The following JAK1 variants were observed in gnomAD, a reference collection of about 807,000 sequenced individuals.
The protein encoded by JAK1 is Janus kinase 1.
Under a neutral mutation model 136.6 loss-of-function variants are expected in JAK1, and 16 were observed. The ratio of observed to expected loss-of-function variants is 0.12; its 90% confidence interval spans 0.08 to 0.18. The LOEUF (loss-of-function observed/expected upper bound fraction) is 0.18. Ranked by LOEUF, JAK1 falls within the 10% of genes least tolerant of loss-of-function variation. JAK1 has a pLI of 1.00. For synonymous variants in JAK1, 492 were observed against 519.5 expected (o/e 0.95, Z 0.72); for missense variants, 859 against 1,450.1 (o/e 0.59, Z 6.62).
chr1:65,023,293 G>A (rs1437672380), intron 2 of JAK1, among the ~76,000 whole-genome samples: 1 of 151,738 alleles, frequency 6.6e-6, no homozygotes, highest in African/African-American at 2.4e-5. Flanking sequence ...TTTTTGTCAA[G>A]CTATGTTGCC....
intron 2 of JAK1, among the ~76,000 whole-genome samples, chr1:64,986,977 C>A (rs1419293718): frequency 6.6e-6 from 1 of 152,074 alleles, no homozygotes; most frequent in East Asian, 1.9e-4. Flanking sequence ...TAGCAGGGAC[C>A]AAGGCCTTAA....
chr1:64,892,607 T>C (rs1644956085), intron 1 of JAK1, among the ~76,000 whole-genome samples: 1 of 152,170 alleles, frequency 6.6e-6, no homozygotes, highest in Non-Finnish European at 1.5e-5. Context: ...TTTTAATCAT[T>C]TATCCCAAAA....
chr1:64,854,987 T>C (rs1027964172), intron 11 of JAK1, among the ~76,000 whole-genome samples: 10 of 152,212 alleles, frequency 6.6e-5, no homozygotes, highest in African/African-American at 2.2e-4. Flanking sequence ...TGACCATCCC[T>C]TTCTGTTTGA....
intron 1 of JAK1, among the ~76,000 whole-genome samples, chr1:64,890,245 A>T (rs951536228): frequency 1.4e-5 from 2 of 139,632 alleles, no homozygotes; most frequent in African/African-American, 5.9e-5. Flanking sequence ...CAGGAAGATC[A>T]GGATTTTTTT....
chr1:64,878,998 C>A (rs374865409), intron 4 of JAK1, 27 bp downstream of exon 4: 2 of 1,612,554 alleles, frequency 1.2e-6, no homozygotes, highest in African/African-American at 2.7e-5. Context: ...GGGAGCCAGG[C>A]AGGTACCAGG....
intron 1 of JAK1, among the ~76,000 whole-genome samples, chr1:64,893,476 G>C (rs915800991): frequency 3.3e-5 from 5 of 152,160 alleles, no homozygotes; most frequent in Non-Finnish European, 5.9e-5. Flanking sequence ...CCTAACCTGG[G>C]TCCAGATCCC....
At chr1:64,882,757 T>C (rs912373598) in intron 3 of JAK1, among the ~76,000 whole-genome samples, 17 of 152,196 alleles carry the variant, frequency 1.1e-4, no homozygotes, top group African/African-American at 4.1e-4. Context: ...GGAACTTGAC[T>C]AAGCCACAAA....
chr1:64,860,427 T>C (rs1341132631), intron 8 of JAK1, among the ~76,000 whole-genome samples, 165 bp from the exon 9 acceptor site: 12 of 81,838 alleles, frequency 1.5e-4, no homozygotes, highest in African/African-American at 5.5e-4. Context: ...TGCATTTATT[T>C]ATTTATTTAT....
chr1:64,864,675 C>T, intron 8 of JAK1, 112 bp downstream of exon 8: 1 of 887,516 alleles, frequency 1.1e-6, no homozygotes, highest in South Asian at 1.9e-5. Flanking sequence ...TAAGAAAATC[C>T]TGTTTTCTCT....
chr1:64,999,104 C>T (rs188507929), intron 2 of JAK1, among the ~76,000 whole-genome samples: 48 of 152,172 alleles, frequency 3.2e-4, no homozygotes, highest in Admixed American at 3.3e-4. Context: ...TTTTTGGGGT[C>T]CACAGAAGAC....
chr1:64,977,543 G>A (rs561640525), intron 2 of JAK1, among the ~76,000 whole-genome samples: 1 of 150,320 alleles, frequency 6.7e-6, no homozygotes, highest in Non-Finnish European at 1.5e-5. Context: ...CCATTCTCCT[G>A]CCTCAGCCTC....
At chr1:65,018,462 CAG>C (rs138864438) in intron 2 of JAK1, among the ~76,000 whole-genome samples, 29,887 of 145,486 alleles carry the variant, frequency 0.21, 3,732 homozygotes, top group African/African-American at 0.33. Flanking sequence ...CACATACATA[CAG>C]AGAGAGAGAG....
At chr1:64,838,436 A>ATCTGTAACATGATGTCTTAT in intron 21 of JAK1, 29 bp downstream of exon 21, 2 of 1,610,872 alleles carry the variant, frequency 1.2e-6, no homozygotes, top group Non-Finnish European at 1.7e-6. Context: ...TGATGTCTTA[A>ATCTGTAACATGATGTCTTAT]TCTGTAACAT....
intron 2 of JAK1, chr1:64,992,441 C>G (rs1055670331): frequency 2.0e-5 from 3 of 151,852 alleles, no homozygotes; most frequent in Non-Finnish European, 4.4e-5. Context: ...CCAAAACAAT[C>G]TTGAAAAAAA....
intron 2 of JAK1, among the ~76,000 whole-genome samples, chr1:64,979,082 A>G (rs1646521372): frequency 1.3e-5 from 2 of 152,208 alleles, no homozygotes; most frequent in Non-Finnish European, 1.5e-5. Context: ...CCAAAAAGCA[A>G]TAGGAAAATA....
intron 2 of JAK1, among the ~76,000 whole-genome samples, chr1:65,005,336 C>T (rs1405818071): frequency 5.4e-5 from 8 of 149,126 alleles, no homozygotes; most frequent in East Asian, 3.9e-4. Flanking sequence ...AAGAGCAAAA[C>T]GCCATCTCAA....
chr1:65,009,429 CAT>C (rs1646831298), intron 2 of JAK1, among the ~76,000 whole-genome samples: 1 of 151,940 alleles, frequency 6.6e-6, no homozygotes, highest in South Asian at 2.1e-4. Context: ...CATTTTATGA[CAT>C]ATGTTACATG....
chr1:64,917,945 C>G (rs1645427723), intron 1 of JAK1, among the ~76,000 whole-genome samples: 1 of 152,128 alleles, frequency 6.6e-6, no homozygotes, highest in African/African-American at 2.4e-5. Context: ...CAGACTTGAC[C>G]CAGAGTTTCT....
chr1:65,050,210 CACA>C (rs1237730041), intron 1 of JAK1, among the ~76,000 whole-genome samples: 2 of 152,190 alleles, frequency 1.3e-5, no homozygotes, highest in African/African-American at 4.8e-5. Flanking sequence ...ACACTGCAAA[CACA>C]ACAATGGGTA....
Sources: allele counts gnomAD v4.1 joint callset (sites outside exome capture counted in the v4.1 genomes callset), GRCh38; gene constraint gnomAD v4.1.1; transcripts MANE v1.5; gene names NCBI Gene and HGNC (gene_info 2026-07-23, HGNC 2026-07-21).